Variants in PARD3B observed in about 807,000 individuals in gnomAD.
The protein encoded by PARD3B is par-3 family cell polarity regulator beta.
In PARD3B, 103 loss-of-function variants were observed where a neutral mutation model predicts 130.2. The ratio of observed to expected loss-of-function variants is 0.79; its 90% CI spans 0.67 to 0.93. PARD3B has a LOEUF of 0.93. Ranked by LOEUF, PARD3B falls within the 40% of genes least tolerant of loss-of-function variation. The pLI, the probability that PARD3B is intolerant of heterozygous loss-of-function variation, is 0.00. For missense variants in PARD3B, 1,609 were observed against 1,499.2 expected, an observed-to-expected ratio of 1.07 and a Z score of -1.21; for synonymous variants, 583 against 553.2, an observed-to-expected ratio of 1.05 and a Z score of -0.76.
intron 13 of PARD3B, among the ~76,000 whole-genome samples, chr2:205,184,201 G>A (rs2035964264): frequency 6.6e-6 from 1 of 152,062 alleles, no homozygotes; most frequent in South Asian, 2.1e-4. Context: ...GGTACCCTGT[G>A]GCCCAGTGAG....
chr2:205,043,438 T>G (rs1698526747), intron 3 of PARD3B, among the ~76,000 whole-genome samples: 1 of 152,204 alleles, frequency 6.6e-6, no homozygotes, highest in African/African-American at 2.4e-5. Flanking sequence ...GTGATGAGAC[T>G]GAGTCACAGA....
chr2:204,990,072 G>A (rs1318298643), intron 3 of PARD3B, among the ~76,000 whole-genome samples: 1 of 151,910 alleles, frequency 6.6e-6, no homozygotes, highest in Non-Finnish European at 1.5e-5. Flanking sequence ...TTTTTACATG[G>A]TCAGCAAAAC....
Position 205,162,716 on chromosome 2 carries a change from G to T in PARD3B, c.1620+3809G>T, listed in dbSNP as rs73059227. On this transcript the variant is annotated intron_variant, in intron 11 of 22. Transcript: ENST00000406610. ...TAGTGCTGTTGCTGTTCAATAAAAA[G>T]AAGTATCAGCTCTGTTGCAGTTAGA... Among the ~76,000 whole-genome samples the T allele has an allele frequency of 3.0e-3, 463 of 152,280 alleles. 1 individual carries two copies. Among genetic ancestry groups the T allele is most frequent in the African/African-American group, 0.01 (425 of 41,568 alleles).
intron 12 of PARD3B, among the ~76,000 whole-genome samples, chr2:205,173,345 T>C (rs370045196): frequency 1.7e-4 from 26 of 152,332 alleles, no homozygotes; most frequent in African/African-American, 6.0e-4. Flanking sequence ...CTCTGGAGTT[T>C]CGAATTGCTT....
Position 205,128,960 on chromosome 2 carries a change from G to C in PARD3B, c.1434+3223G>C, listed in dbSNP as rs1005775529. Among the ~76,000 whole-genome samples, 5 of 152,144 alleles carry C rather than the reference G, an allele frequency of 3.3e-5. No homozygotes were observed. Among genetic ancestry groups the C allele is most frequent in the Non-Finnish European group, 7.3e-5 (5 of 68,034 alleles). On this transcript the variant is annotated intron_variant, in intron 10 of 22. Coordinates refer to ENST00000406610, the MANE Select transcript of PARD3B (RefSeq NM_001302769.2). This position sits in a 1 kb window ranked among gnomAD's most constrained non-coding sequence, Gnocchi z 4.5. ...TTAGTGAAATTTGATTTCTATCCCAGAATGACATAGGCCAAGTCCACCAGG... is the reference window on the plus strand; with the variant it reads ...TTAGTGAAATTTGATTTCTATCCCACAATGACATAGGCCAAGTCCACCAGG...
rs147252788 is a variant in PARD3B at position 204,748,150 on chromosome 2, C to T, written c.222+61868C>T. Among the ~76,000 whole-genome samples, 14 of 152,092 alleles carry T rather than the reference C, an allele frequency of 9.2e-5. 1 individual carries two copies. The highest frequency in any genetic ancestry group is 5.8e-4 in the East Asian group (3 of 5,168). The stretch of plus-strand genomic sequence containing the variant: ...AGATTTAAAATAATATGGTTGAGTA[C>T]GGTTGCTCAAAGACAGGTTGGAATG... On this transcript the variant is annotated intron_variant, in intron 2 of 22. Transcript: ENST00000406610.
In PARD3B at chr2:205,176,554, G is replaced by A. The variant is rs2125762147; in HGVS notation, c.1901G>A (p.Cys634Tyr). Reference protein sequence around the residue: ...DNSILHPLGTCSPQDKQKGLL... With the variant: ...DNSILHPLGTYSPQDKQKGLL... Reference sequence around the variant, plus strand: ...AGTATCCTGCATCCACTTGGCACTTGCAGTCCACAAGACAAACAGAAAGGT... The same window carrying A: ...AGTATCCTGCATCCACTTGGCACTTACAGTCCACAAGACAAACAGAAAGGT... The change falls in exon 13 of 23, where the codon TGC (cysteine) becomes TAC (tyrosine). Residue 634 changes from cysteine to tyrosine, a missense_variant. Coordinates refer to ENST00000406610, the MANE Select transcript of PARD3B (RefSeq NM_001302769.2). The surrounding 1 kb of genome is among the most constrained non-coding windows in gnomAD (Gnocchi z 5.3). 1 of 1,610,754 alleles carries A rather than the reference G, an allele frequency of 6.2e-7. No homozygotes were observed. Among genetic ancestry groups the A allele is most frequent in the Non-Finnish European group, 8.5e-7 (1 of 1,178,464 alleles).
chr2:204,602,482 G>C (rs1260799034), intron 1 of PARD3B, among the ~76,000 whole-genome samples: 1 of 151,928 alleles, frequency 6.6e-6, no homozygotes, highest in Non-Finnish European at 1.5e-5. Flanking sequence ...AGTTCAAGAG[G>C]AGGCAAAATG....
chr2:205,084,576 ATGT>A (rs1206421002), intron 4 of PARD3B, among the ~76,000 whole-genome samples: 1 of 152,082 alleles, frequency 6.6e-6, no homozygotes, highest in Non-Finnish European at 1.5e-5. Flanking sequence ...AATTTTTAAA[ATGT>A]TGTTATGTAA....
intron 2 of PARD3B, among the ~76,000 whole-genome samples, chr2:204,787,649 A>G (rs758590694): frequency 2.0e-5 from 3 of 152,186 alleles, no homozygotes; most frequent in African/African-American, 4.8e-5. Flanking sequence ...ATGTTCAGGT[A>G]TCAGAAATTT....
At chr2:205,570,090 G>A (rs2053507497) in intron 22 of PARD3B, among the ~76,000 whole-genome samples, 1 of 152,178 alleles carries the variant, frequency 6.6e-6, no homozygotes, top group Non-Finnish European at 1.5e-5. Context: ...TCCTGAGATT[G>A]TGTGTCAATT....
chr2:204,972,541 G>A (rs1691799483), intron 3 of PARD3B, among the ~76,000 whole-genome samples: 1 of 150,984 alleles, frequency 6.6e-6, no homozygotes, highest in Admixed American at 6.6e-5. Flanking sequence ...TATATCTGAT[G>A]GCTAAGTTTA....
chr2:205,478,979 A>G (rs928207269), intron 20 of PARD3B, among the ~76,000 whole-genome samples: 1 of 152,202 alleles, frequency 6.6e-6, no homozygotes, highest in East Asian at 1.9e-4. Flanking sequence ...AGCAATTGCC[A>G]GCCGAAAACA....
At chr2:205,286,796 C>A (rs529814592) in intron 16 of PARD3B, among the ~76,000 whole-genome samples, 2 of 152,314 alleles carry the variant, frequency 1.3e-5, no homozygotes, top group Admixed American at 6.5e-5. Flanking sequence ...AAAATCCAGA[C>A]AACATATTTA....
At position 205,558,316 on chromosome 2, in the gene PARD3B, A is replaced by C. The variant is rs1203158505; in HGVS notation, c.3260+4913A>C. On this transcript the variant is annotated intron_variant, in intron 22 of 22. Transcript: ENST00000406610. The surrounding 1 kb of genome is among the most constrained non-coding windows in gnomAD (Gnocchi z 4.8). Reference sequence around the variant, plus strand: ...TGATGCTCTAGCTCCCAGGGCAGACATGGCATGACAGCAGCACCCTATTCG... The same window carrying C: ...TGATGCTCTAGCTCCCAGGGCAGACCTGGCATGACAGCAGCACCCTATTCG... Among the ~76,000 whole-genome samples, 2 of 152,138 alleles carry C rather than the reference A, an allele frequency of 1.3e-5. No individual in the cohort carries two copies. The highest frequency in any genetic ancestry group is 2.9e-5 in the Non-Finnish European group (2 of 68,030).
chr2:205,202,294 A>G (rs2037038083), intron 15 of PARD3B, among the ~76,000 whole-genome samples: 1 of 152,164 alleles, frequency 6.6e-6, no homozygotes, highest in Non-Finnish European at 1.5e-5. Context: ...TAAAATAACC[A>G]TTTGAGTTGG....
intron 4 of PARD3B, among the ~76,000 whole-genome samples, chr2:205,062,416 T>G (rs1322869983): frequency 3.9e-5 from 6 of 152,100 alleles, no homozygotes; most frequent in Middle Eastern, 6.4e-3. Context: ...CAGAGCTACC[T>G]GTTCCCTCCT....
chr2:204,680,612 C>T (rs923978527), intron 1 of PARD3B, among the ~76,000 whole-genome samples: 1 of 151,348 alleles, frequency 6.6e-6, no homozygotes, highest in Non-Finnish European at 1.5e-5. Context: ...GCTTTTTGAT[C>T]AATTTTTTTT....
rs780390728 is a variant in PARD3B, at chr2:205,245,769, TCTC to T, written c.2141-5_2141-3del. On this transcript the variant is annotated splice_region_variant and splice_polypyrimidine_tract_variant and intron_variant, in intron 15 of 22. Transcript: ENST00000406610. ...TCTGATCCTTGTCTCTTTTATTTCTTCTCCTCAGTGCCAGATGAAAGCAAGGTT... is the reference window on the plus strand; with the variant it reads ...TCTGATCCTTGTCTCTTTTATTTCTTCTCAGTGCCAGATGAAAGCAAGGTT... The T allele has an allele frequency of 2.5e-6, 4 of 1,591,430 alleles. No individual in the cohort carries two copies. The highest frequency in any genetic ancestry group is 2.7e-5 in the African/African-American group (2 of 74,594).
Sources: gnomAD v4.1 joint callset for allele counts (sites outside exome capture counted in the v4.1 genomes callset) on GRCh38, gnomAD v4.1.1 for gene constraint, Gnocchi (gnomAD v3.1) non-coding constraint, MANE v1.5 for transcripts, NCBI Gene and HGNC (gene_info 2026-07-23, HGNC 2026-07-21) for gene names.